Variants in PDE4B observed in about 807,000 individuals in gnomAD.
The protein encoded by PDE4B is phosphodiesterase 4B.
A neutral mutation model predicts 82.2 loss-of-function variants in PDE4B; 20 were observed. The ratio of observed to expected loss-of-function variants is 0.24; its 90% CI spans 0.17 to 0.35. The LOEUF is 0.35. Ranked by LOEUF, PDE4B falls within the 10% of genes least tolerant of loss-of-function variation. PDE4B has a pLI of 1.00. For synonymous variants in PDE4B, 320 were observed against 318.9 expected, an observed-to-expected ratio of 1.00 and a Z score of -0.04; for missense variants, 655 against 907.2, an observed-to-expected ratio of 0.72 and a Z score of 3.57.
At position 66,331,743 on chromosome 1, in the gene PDE4B, A is replaced by G. The variant is rs867924430; in HGVS notation, c.635-765A>G. ...CTGGCACTTGCAGAAGGGAAGTTTT[A>G]GCTTTGTTTAGTATAACAAGAGCTG... On this transcript the variant is annotated intron_variant, in intron 7 of 16. Coordinates refer to ENST00000341517, the MANE Select transcript of PDE4B (RefSeq NM_002600.4). 1.9e-4 allele frequency: 187 copies of G among 985,422 alleles called. No homozygotes were observed. The Middle Eastern group carries it at 2.1e-3, about 11-fold the overall frequency. 61.0% of individuals were successfully genotyped at this position (985,422 alleles called of 1,614,324 possible). A position where few individuals can be genotyped will look rare whatever the true frequency, so the allele number is the denominator to read the frequency against.
In PDE4B at chr1:65,913,249, T is replaced by C; in HGVS notation, c.-66T>C. 1 of 1,433,642 alleles carries C rather than the reference T, an allele frequency of 7.0e-7. No homozygotes were observed. The highest frequency in any genetic ancestry group is 9.8e-7 in the Non-Finnish European group (1 of 1,016,556). The allele number at this position is 1,433,642 out of a possible 1,614,324, so 88.8% of individuals were successfully genotyped here. On this transcript the variant is annotated 5_prime_UTR_variant, in exon 2 of 17. Transcript: ENST00000341517. ...GTGTGTTTTTTTCTCCTGTAGGTAT[T>C]AAAAAGTGTCAGCAAACTGCATTGA...
At chr1:66,069,900 A>T (rs1297898466) in intron 3 of PDE4B, among the ~76,000 whole-genome samples, 1 of 151,778 alleles carries the variant, frequency 6.6e-6, no homozygotes, top group Non-Finnish European at 1.5e-5. Context: ...AATAAGATTT[A>T]CTCCTTTTTG....
At chr1:66,272,704 G>A (rs1655589186) in intron 7 of PDE4B, among the ~76,000 whole-genome samples, 1 of 150,842 alleles carries the variant, frequency 6.6e-6, no homozygotes, top group African/African-American at 2.4e-5. Flanking sequence ...AAGCATTGTG[G>A]TGGTCCTCCA....
chr1:65,873,063 T>A (rs1421525289), intron 1 of PDE4B, among the ~76,000 whole-genome samples: 1 of 152,152 alleles, frequency 6.6e-6, no homozygotes, highest in African/African-American at 2.4e-5. Flanking sequence ...CCCCTGCTTT[T>A]CCAGAGCTCA....
At chr1:65,847,182 A>G (rs562055407) in intron 1 of PDE4B, among the ~76,000 whole-genome samples, 25 of 152,340 alleles carry the variant, frequency 1.6e-4, no homozygotes, top group African/African-American at 6.0e-4. Context: ...AATATATAAC[A>G]TGTATTGAGC....
chr1:65,826,224 A>C (rs1646016092), intron 1 of PDE4B, among the ~76,000 whole-genome samples: 2 of 152,164 alleles, frequency 1.3e-5, no homozygotes. Flanking sequence ...TTAGTAGTCT[A>C]AGTTGTTATT....
chr1:66,257,605 T>G, intron 4 of PDE4B, 42 bp from the exon 5 acceptor site: 1 of 1,545,278 alleles, frequency 6.5e-7, no homozygotes, highest in Non-Finnish European at 8.9e-7. Flanking sequence ...CAGTTATAAT[T>G]CAAGTAAATT....
intron 3 of PDE4B, among the ~76,000 whole-genome samples, chr1:65,986,589 C>G (rs1414116639): frequency 6.6e-6 from 1 of 152,190 alleles, no homozygotes; most frequent in Non-Finnish European, 1.5e-5. Context: ...GATCCCTCCT[C>G]CTTTGTCTTA....
chr1:65,915,973 G>C (rs1346530453), intron 2 of PDE4B, among the ~76,000 whole-genome samples: 4 of 152,110 alleles, frequency 2.6e-5, no homozygotes, highest in African/African-American at 9.7e-5. Flanking sequence ...TTTAGGAAAG[G>C]AAGTTCAAGA....
chr1:65,831,038 G>GGT (rs1437129469), intron 1 of PDE4B, among the ~76,000 whole-genome samples: 5 of 151,906 alleles, frequency 3.3e-5, no homozygotes, highest in African/African-American at 9.7e-5. Context: ...GCAATGCTGA[G>GGT]GTACATTTTT....
chr1:66,199,047 T>G (rs1030339093), intron 3 of PDE4B, among the ~76,000 whole-genome samples: 5 of 151,832 alleles, frequency 3.3e-5, no homozygotes, highest in Non-Finnish European at 7.4e-5. Flanking sequence ...TCTTTGCTAT[T>G]GTGAATAATG....
At chr1:66,185,148 T>C (rs1414933082) in intron 3 of PDE4B, among the ~76,000 whole-genome samples, 13 of 152,230 alleles carry the variant, frequency 8.5e-5, no homozygotes, top group Admixed American at 8.5e-4. Flanking sequence ...GCTTCATCCA[T>C]GTCCCTACAA....
intron 3 of PDE4B, among the ~76,000 whole-genome samples, chr1:66,180,823 C>T (rs581575): frequency 0.51 from 77,738 of 152,026 alleles, 20,978 homozygotes; most frequent in African/African-American, 0.7. Flanking sequence ...ACTCTGTGGA[C>T]TGAGAGAGAG....
chr1:66,313,363 T>G (rs1267340806), intron 7 of PDE4B, among the ~76,000 whole-genome samples: 2 of 152,214 alleles, frequency 1.3e-5, no homozygotes, highest in Non-Finnish European at 2.9e-5. Flanking sequence ...TCAGTGGCAG[T>G]GACTGAGTGA....
intron 4 of PDE4B, chr1:66,257,270 A>T: frequency 6.8e-6 from 2 of 296,128 alleles, no homozygotes; most frequent in Non-Finnish European, 1.3e-5. Context: ...AGTTTTTCCA[A>T]CTGTGTGTGT....
intron 3 of PDE4B, chr1:66,094,440 AT>A (rs1396485019): frequency 2.0e-5 from 3 of 152,040 alleles, no homozygotes; most frequent in African/African-American, 7.2e-5. Context: ...TTGTGTTAAA[AT>A]CAACTTCTTT....
intron 7 of PDE4B, among the ~76,000 whole-genome samples, chr1:66,309,814 C>A (rs971513974): frequency 1.3e-5 from 2 of 152,100 alleles, no homozygotes; most frequent in African/African-American, 4.8e-5. Context: ...CAGAATTATA[C>A]CAATAAATAG....
At chr1:66,247,966 A>G (rs1345881157) in intron 4 of PDE4B, among the ~76,000 whole-genome samples, 1 of 152,194 alleles carries the variant, frequency 6.6e-6, no homozygotes, top group Non-Finnish European at 1.5e-5. Flanking sequence ...TGAGAACCTT[A>G]ACACTTTTTA....
chr1:66,046,679 G>T (rs1654733141), intron 3 of PDE4B, among the ~76,000 whole-genome samples: 1 of 151,798 alleles, frequency 6.6e-6, no homozygotes, highest in South Asian at 2.1e-4. Flanking sequence ...GAATTATCGG[G>T]AATTACATGT....
Sources: gnomAD v4.1 joint callset for allele counts (sites outside exome capture counted in the v4.1 genomes callset) on GRCh38, gnomAD v4.1.1 for gene constraint, MANE v1.5 for transcripts, NCBI Gene and HGNC (gene_info 2026-07-23, HGNC 2026-07-21) for gene names.